Variants in SHANK2 observed in about 807,000 individuals in gnomAD.
The protein encoded by SHANK2 is SH3 and multiple ankyrin repeat domains protein 2.
Under a neutral mutation model 133.7 loss-of-function variants are expected in SHANK2, and 43 were observed. The observed-to-expected ratio is 0.32, with a 90% CI of 0.25 to 0.41. SHANK2 has a LOEUF of 0.41. SHANK2 is among the 10% of genes least tolerant of loss of function. The pLI, the probability that SHANK2 is intolerant of heterozygous loss-of-function variation, is 1.00. For synonymous variants in SHANK2, 1,017 were observed against 952.8 expected, an observed-to-expected ratio of 1.07 and a Z score of -1.24; for missense variants, 1,994 against 2,235.8, an observed-to-expected ratio of 0.89 and a Z score of 2.18.
intron 3 of SHANK2, among the ~76,000 whole-genome samples, chr11:71,137,053 G>A (rs1422217929): frequency 3.9e-5 from 6 of 151,978 alleles, no homozygotes; most frequent in East Asian, 1.9e-4. Flanking sequence ...AGTAGAGACT[G>A]GATTTCACAA....
chr11:70,863,878 C>T (rs376097991), intron 11 of SHANK2: 2 of 457,546 alleles, frequency 4.4e-6, no homozygotes, highest in African/African-American at 4.0e-5. Flanking sequence ...GGAGGAGAGG[C>T]CTCAGGAGAA....
chr11:70,489,590 A>G (rs1490964585), intron 23 of SHANK2: 1 of 563,426 alleles, frequency 1.8e-6, no homozygotes, highest in Non-Finnish European at 3.2e-6. Context: ...GGCTGGGCAG[A>G]CCAGAGTCCC....
intron 2 of SHANK2, among the ~76,000 whole-genome samples, chr11:71,223,982 T>C (rs1555121760): frequency 6.6e-6 from 1 of 152,206 alleles, no homozygotes; most frequent in African/African-American, 2.4e-5. Flanking sequence ...TACAAGGCCA[T>C]GCCAGGAGGC....
intron 17 of SHANK2, chr11:70,631,279 A>G (rs1269640868): frequency 6.6e-6 from 1 of 152,158 alleles, no homozygotes; most frequent in Admixed American, 6.5e-5. Flanking sequence ...AGGCTCTCCC[A>G]GACTCATGAC....
intron 17 of SHANK2, among the ~76,000 whole-genome samples, chr11:70,524,693 G>A (rs1241187753): frequency 6.6e-6 from 1 of 152,234 alleles, no homozygotes; most frequent in Non-Finnish European, 1.5e-5. Context: ...ACTAGATCAT[G>A]AGCAGGAAGT....
intron 17 of SHANK2, among the ~76,000 whole-genome samples, chr11:70,615,946 G>T (rs1245937830): frequency 6.6e-6 from 1 of 152,148 alleles, no homozygotes; most frequent in East Asian, 1.9e-4. Flanking sequence ...ATTTACTGGG[G>T]CCACTCAGAC....
At chr11:70,532,480 T>C (rs1238631726) in intron 17 of SHANK2, among the ~76,000 whole-genome samples, 1 of 152,098 alleles carries the variant, frequency 6.6e-6, no homozygotes, top group Non-Finnish European at 1.5e-5. Flanking sequence ...TGGGCAGAAT[T>C]GTGGGTCTGT....
At chr11:71,221,819 G>A (rs1197370238) in intron 2 of SHANK2, among the ~76,000 whole-genome samples, 5 of 152,130 alleles carry the variant, frequency 3.3e-5, no homozygotes, top group African/African-American at 4.8e-5. Flanking sequence ...GTGCCTAGGC[G>A]CTGGGAGTCT....
At chr11:70,686,618 TC>T (rs1309925946) in intron 15 of SHANK2, among the ~76,000 whole-genome samples, 16 of 152,288 alleles carry the variant, frequency 1.1e-4, no homozygotes, top group African/African-American at 3.6e-4. Flanking sequence ...AGTCAGTCAG[TC>T]CTGGTCCTAT....
At chr11:70,842,416 C>A (rs1271163981) in intron 11 of SHANK2, among the ~76,000 whole-genome samples, 1 of 152,220 alleles carries the variant, frequency 6.6e-6, no homozygotes, top group African/African-American at 2.4e-5. Context: ...CTGCTTCAAT[C>A]AGCACTGGGG....
chr11:70,916,147 C>T (rs186131960), intron 10 of SHANK2, among the ~76,000 whole-genome samples: 22 of 152,290 alleles, frequency 1.4e-4, no homozygotes, highest in African/African-American at 3.9e-4. Flanking sequence ...CATTCTAAAC[C>T]GGGCAATGTG....
intron 14 of SHANK2, among the ~76,000 whole-genome samples, chr11:70,785,712 C>T (rs1301124325): frequency 2.0e-5 from 3 of 152,198 alleles, no homozygotes; most frequent in Non-Finnish European, 2.9e-5. Context: ...TGGACCCTGC[C>T]ACACCTTCCA....
At chr11:70,495,339 G>A (rs558020049) in intron 21 of SHANK2, among the ~76,000 whole-genome samples, 1 of 152,310 alleles carries the variant, frequency 6.6e-6, no homozygotes, top group African/African-American at 2.4e-5. Flanking sequence ...ATTGGTTTCT[G>A]TGCCGGCCTC....
At chr11:70,953,790 G>A (rs991666098) in intron 10 of SHANK2, among the ~76,000 whole-genome samples, 5 of 152,210 alleles carry the variant, frequency 3.3e-5, no homozygotes, top group Middle Eastern at 3.4e-3. Context: ...CCATCCCTGC[G>A]GGCATCCCTC....
chr11:70,600,133 T>C (rs1177172743), intron 17 of SHANK2, among the ~76,000 whole-genome samples: 3 of 151,860 alleles, frequency 2.0e-5, no homozygotes, highest in African/African-American at 4.8e-5. Context: ...GGAAAATACA[T>C]ATGGAGCAGG....
intron 9 of SHANK2, among the ~76,000 whole-genome samples, chr11:71,061,241 A>G (rs1950982747): frequency 6.6e-6 from 1 of 152,260 alleles, no homozygotes; most frequent in East Asian, 1.9e-4. Context: ...ACTCACCTGC[A>G]TATTTTCTGT....
At chr11:70,821,713 G>A (rs1375491437) in intron 11 of SHANK2, among the ~76,000 whole-genome samples, 2 of 152,150 alleles carry the variant, frequency 1.3e-5, no homozygotes, top group South Asian at 4.1e-4. Context: ...ATGAGCCACC[G>A]TGCCCGGCCA....
At chr11:71,068,841 C>G (rs1370450492) in intron 9 of SHANK2, among the ~76,000 whole-genome samples, 3 of 152,134 alleles carry the variant, frequency 2.0e-5, no homozygotes, top group African/African-American at 7.2e-5. Flanking sequence ...TCAGCACCAT[C>G]GCTGTCACCA....
At chr11:71,059,238 TA>T (rs1159364791) in intron 9 of SHANK2, among the ~76,000 whole-genome samples, 119 of 151,776 alleles carry the variant, frequency 7.8e-4, no homozygotes, top group African/African-American at 2.5e-3. Flanking sequence ...ATAAATAAAA[TA>T]AAAATAAAAA....
Sources: allele counts gnomAD v4.1 joint callset (sites outside exome capture counted in the v4.1 genomes callset), GRCh38; gene constraint gnomAD v4.1.1; transcripts MANE v1.5; gene names NCBI Gene and HGNC (gene_info 2026-07-23, HGNC 2026-07-21).